CNTN5: variants seen among roughly 807,000 people sequenced by gnomAD.
The protein encoded by CNTN5 is contactin 5, also known as contactin-5.
CNTN5 carries 77 observed loss-of-function variants against 129.1 expected under a neutral mutation model. The ratio of observed to expected loss-of-function variants is 0.60; its 90% CI spans 0.50 to 0.72. CNTN5 has a LOEUF of 0.72. Ranked by LOEUF, CNTN5 falls within the 30% of genes least tolerant of loss-of-function variation. The pLI is 0.00. For missense variants in CNTN5, 1,478 were observed against 1,328.8 expected (o/e 1.11, Z -1.75); for synonymous variants, 509 against 465.6 (o/e 1.09, Z -1.20).
chr11:99,645,584 T>C (rs1951929071), intron 3 of CNTN5, among the ~76,000 whole-genome samples: 1 of 152,006 alleles, frequency 6.6e-6, no homozygotes, highest in African/African-American at 2.4e-5. Flanking sequence ...ATTAAGAAAA[T>C]GTGGTAATAT....
intron 7 of CNTN5, among the ~76,000 whole-genome samples, chr11:99,928,116 A>G (rs895779332): frequency 6.6e-6 from 1 of 152,204 alleles, no homozygotes; most frequent in Non-Finnish European, 1.5e-5. Context: ...CTTTGACTAC[A>G]TGTCCAACAT....
intron 6 of CNTN5, among the ~76,000 whole-genome samples, chr11:99,908,161 A>G (rs1369104584): frequency 6.6e-6 from 1 of 152,084 alleles, no homozygotes; most frequent in South Asian, 2.1e-4. Context: ...ATAGGCAGAT[A>G]GTCCAATTTA....
chr11:99,570,158 A>G (rs1002514329), intron 3 of CNTN5, among the ~76,000 whole-genome samples: 3 of 151,834 alleles, frequency 2.0e-5, no homozygotes. Flanking sequence ...GAAGAAAAGA[A>G]AAAAGCTTGG....
chr11:99,143,505 A>AT (rs1360588965), intron 1 of CNTN5, among the ~76,000 whole-genome samples: 1 of 145,312 alleles, frequency 6.9e-6, no homozygotes, highest in Non-Finnish European at 1.5e-5. Context: ...TGTATATGAC[A>AT]ATGGGATCCT....
intron 3 of CNTN5, among the ~76,000 whole-genome samples, chr11:99,671,771 A>G (rs570737483): frequency 1.1e-4 from 16 of 152,230 alleles, no homozygotes; most frequent in Admixed American, 6.5e-4. Context: ...TACTTCTGAG[A>G]AATTCAGATG....
chr11:99,881,397 T>C (rs1283564654), intron 6 of CNTN5, among the ~76,000 whole-genome samples: 5 of 152,246 alleles, frequency 3.3e-5, no homozygotes, highest in Non-Finnish European at 7.3e-5. Flanking sequence ...TATGAAATGA[T>C]TTATGTAAGT....
chr11:100,005,641 C>T (rs928093002), intron 9 of CNTN5, among the ~76,000 whole-genome samples: 41 of 152,254 alleles, frequency 2.7e-4, no homozygotes, highest in African/African-American at 9.9e-4. Flanking sequence ...TACTGTTTAA[C>T]ATGACAACCC....
chr11:100,050,375 A>G (rs896224325), intron 9 of CNTN5, among the ~76,000 whole-genome samples: 3 of 152,106 alleles, frequency 2.0e-5, no homozygotes, highest in Non-Finnish European at 4.4e-5. Context: ...TATCACAAGA[A>G]CAAAAAACCA....
chr11:99,033,071 T>C (rs1163509461), intron 1 of CNTN5, among the ~76,000 whole-genome samples: 20 of 147,902 alleles, frequency 1.4e-4, no homozygotes, highest in African/African-American at 4.4e-4. Flanking sequence ...AAAGATCAGA[T>C]AGTTGTAGAT....
In CNTN5 at chr11:99,195,441, TATCAGCAATCCTA is replaced by T. The variant is rs570073014; in HGVS notation, c.-209-129895_-209-129883del. On this transcript the variant is annotated intron_variant, in intron 1 of 24. Coordinates refer to ENST00000524871, the MANE Select transcript of CNTN5 (RefSeq NM_014361.4). Reference sequence around the variant, plus strand: ...CTCTTTATTTTTCAAAATTTATTAATATCAGCAATCCTAATCAGCAATACATTAAAGCGCTCCT... The same window carrying T: ...CTCTTTATTTTTCAAAATTTATTAATATCAGCAATACATTAAAGCGCTCCT... 9.6e-4 allele frequency among the ~76,000 whole-genome samples: 146 copies of T among 152,238 alleles called. No individual in the cohort carries two copies. The Middle Eastern group carries it at 0.017, about 18-fold the overall frequency.
At chr11:99,107,349 GT>G (rs754856487) in intron 1 of CNTN5, among the ~76,000 whole-genome samples, 1 of 152,048 alleles carries the variant, frequency 6.6e-6, no homozygotes, top group African/African-American at 2.4e-5. Context: ...TCATTTGTTG[GT>G]TTTTTTAAAA....
chr11:99,703,980 A>G (rs993716036), intron 3 of CNTN5, among the ~76,000 whole-genome samples: 4 of 151,104 alleles, frequency 2.6e-5, no homozygotes, highest in African/African-American at 7.3e-5. Context: ...TGATGGATTT[A>G]TAGGACATTG....
At chr11:99,524,057 G>T (rs1211746992) in intron 2 of CNTN5, among the ~76,000 whole-genome samples, 2 of 152,018 alleles carry the variant, frequency 1.3e-5, no homozygotes, top group African/African-American at 4.8e-5. Context: ...TTGAAAAATA[G>T]AAATAAATAA....
At chr11:99,046,438 G>A (rs1056145575) in intron 1 of CNTN5, among the ~76,000 whole-genome samples, 1 of 152,084 alleles carries the variant, frequency 6.6e-6, no homozygotes, top group African/African-American at 2.4e-5. Flanking sequence ...GAAAAATAGT[G>A]TACATTATAA....
At chr11:99,912,183 A>T (rs1193272923) in intron 6 of CNTN5, among the ~76,000 whole-genome samples, 1 of 151,982 alleles carries the variant, frequency 6.6e-6, no homozygotes, top group Admixed American at 6.6e-5. Context: ...GAAGGGAGGG[A>T]AAGGGAAGAA....
chr11:99,092,082 G>A (rs1301012908), intron 1 of CNTN5, among the ~76,000 whole-genome samples: 1 of 152,116 alleles, frequency 6.6e-6, no homozygotes, highest in East Asian at 1.9e-4. Context: ...CAATACATGA[G>A]AAAGAAAGAA....
intron 3 of CNTN5, among the ~76,000 whole-genome samples, chr11:99,629,832 T>C (rs1951273843): frequency 6.6e-6 from 1 of 151,800 alleles, no homozygotes; most frequent in South Asian, 2.1e-4. Flanking sequence ...GACTGATTTG[T>C]ATTATATTTT....
At chr11:99,821,785 T>A (rs1458143580) in intron 4 of CNTN5, among the ~76,000 whole-genome samples, 1 of 152,042 alleles carries the variant, frequency 6.6e-6, no homozygotes, top group Non-Finnish European at 1.5e-5. Flanking sequence ...TACAAAAAGC[T>A]CCCAGGTGAT....
At chr11:99,097,054 T>C (rs1004941615) in intron 1 of CNTN5, among the ~76,000 whole-genome samples, 3 of 151,922 alleles carry the variant, frequency 2.0e-5, no homozygotes, top group Non-Finnish European at 4.4e-5. Flanking sequence ...TATTTGCAAG[T>C]AATGTGTCTG....
Sources: gnomAD v4.1 joint callset for allele counts (sites outside exome capture counted in the v4.1 genomes callset) on GRCh38, gnomAD v4.1.1 for gene constraint, MANE v1.5 for transcripts, NCBI Gene and HGNC (gene_info 2026-07-23, HGNC 2026-07-21) for gene names.